Variants in TENM2 observed in about 807,000 individuals in gnomAD.
The protein encoded by TENM2 is teneurin-2.
Under a neutral mutation model 245.2 loss-of-function variants are expected in TENM2, and 52 were observed. The observed-to-expected ratio is 0.21, with a 90% CI of 0.17 to 0.27. The LOEUF is 0.27. TENM2 is among the 10% of genes least tolerant of loss of function. The pLI, the probability that TENM2 is intolerant of heterozygous loss-of-function variation, is 1.00. For synonymous variants in TENM2, 1,363 were observed against 1,438.9 expected, an observed-to-expected ratio of 0.95 and a Z score of 1.19; for missense variants, 3,046 against 3,666.8, an observed-to-expected ratio of 0.83 and a Z score of 4.37.
At chr5:167,639,776 C>G (rs1478911593) in intron 2 of TENM2, among the ~76,000 whole-genome samples, 1 of 152,078 alleles carries the variant, frequency 6.6e-6, no homozygotes, top group Non-Finnish European at 1.5e-5. Flanking sequence ...TTGGTTTATT[C>G]ACTCCTCTTT....
chr5:167,024,105 G>A, the TENM2 span, among the ~76,000 whole-genome samples: 4 of 152,086 alleles, frequency 2.6e-5, no homozygotes, highest in African/African-American at 9.7e-5. Flanking sequence ...TAAGGTAATA[G>A]GCTATTCAAG....
At chr5:167,569,078 C>CCT (rs1774103464) in intron 2 of TENM2, among the ~76,000 whole-genome samples, 1 of 48,952 alleles carries the variant, frequency 2.0e-5, no homozygotes, top group Non-Finnish European at 3.5e-5. Context: ...CTTCCTACAG[C>CCT]TTTTTTTTTT....
At chr5:167,432,167 T>C (rs1764294284) in intron 2 of TENM2, among the ~76,000 whole-genome samples, 2 of 151,444 alleles carry the variant, frequency 1.3e-5, no homozygotes, top group African/African-American at 4.9e-5. Context: ...AGATTCGCAA[T>C]ATGGGAAAGC....
At chr5:167,193,573 C>A in the TENM2 span, among the ~76,000 whole-genome samples, 2 of 151,956 alleles carry the variant, frequency 1.3e-5, no homozygotes, top group African/African-American at 4.8e-5. Flanking sequence ...ATTCCTTTAA[C>A]CCTAGCCAGA....
intron 2 of TENM2, among the ~76,000 whole-genome samples, chr5:167,776,593 GAAAAAAAAAA>G (rs869252752): frequency 4.0e-3 from 145 of 36,004 alleles, no homozygotes; most frequent in African/African-American, 0.012. Context: ...GACCCTGTCT[GAAAAAAAAAA>G]AAAAAAAAAA....
At chr5:167,400,341 T>G (rs1261295581) in intron 2 of TENM2, among the ~76,000 whole-genome samples, 1 of 151,866 alleles carries the variant, frequency 6.6e-6, no homozygotes, top group Non-Finnish European at 1.5e-5. Flanking sequence ...GACAGGTTCA[T>G]AGAGAGAGGG....
the TENM2 span, among the ~76,000 whole-genome samples, chr5:167,184,619 C>G: frequency 6.6e-6 from 1 of 152,138 alleles, no homozygotes; most frequent in Non-Finnish European, 1.5e-5. Flanking sequence ...AATATGTCCT[C>G]TTGAACATAG....
At chr5:167,498,195 G>T (rs1413660036) in intron 2 of TENM2, among the ~76,000 whole-genome samples, 8 of 152,126 alleles carry the variant, frequency 5.3e-5, no homozygotes. Flanking sequence ...ATTGTCGTCT[G>T]TGCCATCTGC....
intron 1 of TENM2, among the ~76,000 whole-genome samples, chr5:167,369,762 A>G (rs1760292203): frequency 6.6e-6 from 1 of 152,176 alleles, no homozygotes; most frequent in South Asian, 2.1e-4. Flanking sequence ...AGTTTTCTGT[A>G]TTGCATACAG....
intron 12 of TENM2, among the ~76,000 whole-genome samples, chr5:168,127,204 G>A (rs571023385): frequency 6.6e-6 from 1 of 152,330 alleles, no homozygotes; most frequent in South Asian, 2.1e-4. Flanking sequence ...CTCCAAACTT[G>A]CAATCTCAGG....
In TENM2 at chr5:167,835,825, A is replaced by G. The variant is rs1248698676; in HGVS notation, c.503-40161A>G. On this transcript the variant is annotated intron_variant, in intron 2 of 28. Transcript: ENST00000518659. ...AATTGACTAAAAATATCAATACAAC[A>G]TATTCCTTGGACAGTCACCCCAACA... Among the ~76,000 whole-genome samples the G allele has an allele frequency of 2.6e-5, 4 of 152,150 alleles. No homozygotes were observed. The South Asian group carries it at 6.2e-4, about 24-fold the overall frequency.
chr5:168,077,315 C>G (rs1162196080), intron 7 of TENM2, among the ~76,000 whole-genome samples: 4 of 152,076 alleles, frequency 2.6e-5, no homozygotes, highest in Non-Finnish European at 5.9e-5. Context: ...TCCTTTTGGC[C>G]TAAATCTTTT....
chr5:167,893,043 G>A (rs1204186670), intron 3 of TENM2, among the ~76,000 whole-genome samples: 1 of 152,104 alleles, frequency 6.6e-6, no homozygotes, highest in Non-Finnish European at 1.5e-5. Flanking sequence ...TTTTGCTGGC[G>A]GCAATGTGGA....
At chr5:168,163,839 G>T (rs554256970) in intron 13 of TENM2, among the ~76,000 whole-genome samples, 1 of 152,126 alleles carries the variant, frequency 6.6e-6, no homozygotes, top group Non-Finnish European at 1.5e-5. Context: ...CTATAACTAA[G>T]GTTTGGGTCC....
chr5:167,907,227 C>T (rs559815887), intron 3 of TENM2, among the ~76,000 whole-genome samples: 9 of 136,080 alleles, frequency 6.6e-5, no homozygotes, highest in East Asian at 6.5e-4. Context: ...AGTGAAACTC[C>T]GTCTCAAATA....
At chr5:167,723,134 G>A (rs1759749909) in intron 2 of TENM2, among the ~76,000 whole-genome samples, 1 of 152,180 alleles carries the variant, frequency 6.6e-6, no homozygotes, top group Non-Finnish European at 1.5e-5. Context: ...GTCTGTGCCT[G>A]AAAACCACAT....
chr5:166,987,179 A>G, the TENM2 span, among the ~76,000 whole-genome samples: 6 of 152,104 alleles, frequency 3.9e-5, no homozygotes, highest in African/African-American at 1.4e-4. Context: ...GCAATTTTCA[A>G]GTTAAAATTG....
chr5:167,488,155 C>T (rs1426377849), intron 2 of TENM2, among the ~76,000 whole-genome samples: 1 of 152,132 alleles, frequency 6.6e-6, no homozygotes, highest in East Asian at 1.9e-4. Context: ...ATTATTCTGT[C>T]TTTCTTGGAT....
the TENM2 span, among the ~76,000 whole-genome samples, chr5:166,979,235 A>AGCAGCAGCAGCAGCAGCAGCAGCAGCC: frequency 1.4e-5 from 2 of 142,846 alleles, no homozygotes; most frequent in South Asian, 2.3e-4. Context: ...CAGCAGCAGC[A>AGCAGCAGCAGCAGCAGCAGCAGCAGCC]GCCGCCGCGG....
Sources: gnomAD v4.1 joint callset for allele counts (sites outside exome capture counted in the v4.1 genomes callset) on GRCh38, gnomAD v4.1.1 for gene constraint, MANE v1.5 for transcripts, NCBI Gene and HGNC (gene_info 2026-07-23, HGNC 2026-07-21) for gene names.